Variants in LANCL2 observed in about 807,000 individuals in gnomAD.
LANCL2 encodes the protein lanC-like protein 2.
LANCL2 carries 33 observed loss-of-function variants against 56.9 expected under a neutral mutation model. The ratio of observed to expected loss-of-function variants is 0.58; its 90% CI spans 0.44 to 0.78. The LOEUF is 0.78. Among genes scored for constraint, LANCL2 ranks in the 30% least tolerant of loss-of-function variants. The pLI, the probability that LANCL2 is intolerant of heterozygous loss-of-function variation, is 0.00. For missense variants in LANCL2, 562 were observed against 580.2 expected (o/e 0.97, Z 0.32); for synonymous variants, 233 against 228.2 (o/e 1.02, Z -0.19).
chr7:55,367,331 G>A (rs1452649158), intron 1 of LANCL2, among the ~76,000 whole-genome samples: 2 of 152,118 alleles, frequency 1.3e-5, no homozygotes, highest in African/African-American at 2.4e-5. Flanking sequence ...TTTCATATTT[G>A]GCTAAAACTA....
chr7:55,393,259 C>T (rs1267586922), intron 2 of LANCL2, among the ~76,000 whole-genome samples: 1 of 152,160 alleles, frequency 6.6e-6, no homozygotes, highest in African/African-American at 2.4e-5. Flanking sequence ...AGGCCAGGTG[C>T]GGTGGCTCAA....
At chr7:55,419,835 A>AT (rs1412267394) in intron 6 of LANCL2, among the ~76,000 whole-genome samples, 2 of 151,964 alleles carry the variant, frequency 1.3e-5, no homozygotes, top group Non-Finnish European at 2.9e-5. Flanking sequence ...TATTTCATTG[A>AT]TTTTTCTTCT....
At chr7:55,415,804 G>A (rs368662499) in intron 6 of LANCL2, among the ~76,000 whole-genome samples, 4 of 151,680 alleles carry the variant, frequency 2.6e-5, no homozygotes, top group Admixed American at 2.6e-4. Context: ...TAGTAGAGAC[G>A]GGGTTTCACC....
At position 55,431,361 on chromosome 7, in the gene LANCL2, A is replaced by C; in HGVS notation, c.*41A>C. 1 of 1,476,324 alleles carries C rather than the reference A, an allele frequency of 6.8e-7. No individual in the cohort carries two copies. The highest frequency in any genetic ancestry group is 9.4e-7 in the Non-Finnish European group (1 of 1,064,664). The allele number at this position is 1,476,324 out of a possible 1,614,324, so 91.5% of individuals were successfully genotyped here. On this transcript the variant is annotated 3_prime_UTR_variant, in exon 9 of 9. Transcript: ENST00000254770. ...AACTAAAATACCCATTTGGACCAAA[A>C]GCCACCAGATTGCTTAGTGCCTGAC...
chr7:55,386,251 T>C (rs1040597438), intron 1 of LANCL2, among the ~76,000 whole-genome samples: 1 of 152,196 alleles, frequency 6.6e-6, no homozygotes, highest in Admixed American at 6.5e-5. Context: ...AGGATATTGA[T>C]TGGGGAAGTG....
intron 5 of LANCL2, among the ~76,000 whole-genome samples, chr7:55,407,187 G>A (rs1190573057): frequency 1.3e-5 from 2 of 152,180 alleles, no homozygotes; most frequent in East Asian, 1.9e-4. Context: ...AACTGACTAG[G>A]CTCTTTTCAA....
At position 55,365,849 on chromosome 7, in the gene LANCL2, G is replaced by C. The variant is rs576339691; in HGVS notation, c.-177G>C. The C allele has an allele frequency of 1.9e-4, 89 of 469,842 alleles. No homozygotes were observed. The highest frequency in any genetic ancestry group is 1.3e-3 in the African/African-American group (66 of 49,052). The allele number at this position is 469,842 out of a possible 1,614,324, so 29.1% of individuals were successfully genotyped here. A position where few individuals can be genotyped will look rare whatever the true frequency, so the allele number is the denominator to read the frequency against. ...CCGCCTCTGCGGCCGCCTGATGTGC[G>C]AGCAGCCCGCGACGAGGCAGTGCAC... On this transcript the variant is annotated 5_prime_UTR_variant, in exon 1 of 9. Coordinates refer to ENST00000254770, the MANE Select transcript of LANCL2 (RefSeq NM_018697.4).
chr7:55,398,806 G>T (rs1408246751), intron 3 of LANCL2, among the ~76,000 whole-genome samples, 176 bp downstream of exon 3: 1 of 152,212 alleles, frequency 6.6e-6, no homozygotes, highest in Non-Finnish European at 1.5e-5. Context: ...ATCCAAGCAT[G>T]TGTGTGCCTT....
At chr7:55,386,947 C>T (rs1052903402) in intron 1 of LANCL2, among the ~76,000 whole-genome samples, 40 of 152,054 alleles carry the variant, frequency 2.6e-4, no homozygotes, top group Non-Finnish European at 8.8e-5. Context: ...CAGGGAAATT[C>T]GTAAAGGTAG....
At chr7:55,393,004 A>G (rs1239996315) in intron 2 of LANCL2, among the ~76,000 whole-genome samples, 1 of 152,198 alleles carries the variant, frequency 6.6e-6, no homozygotes, top group Non-Finnish European at 1.5e-5. Context: ...AATGATAACA[A>G]CCAATAATAC....
intron 5 of LANCL2, among the ~76,000 whole-genome samples, 165 bp downstream of exon 5, chr7:55,401,485 G>T (rs1185166255): frequency 7.6e-6 from 1 of 131,270 alleles, no homozygotes; most frequent in African/African-American, 2.9e-5. Flanking sequence ...TAAGAGTCCA[G>T]TGAGTTCCTG....
At chr7:55,380,023 G>T (rs917793514) in intron 1 of LANCL2, among the ~76,000 whole-genome samples, 29 of 152,166 alleles carry the variant, frequency 1.9e-4, no homozygotes, top group Non-Finnish European at 3.7e-4. Flanking sequence ...ATAAGGGAAG[G>T]TATTTTACCA....
intron 1 of LANCL2, among the ~76,000 whole-genome samples, chr7:55,376,112 C>T (rs998650104): frequency 3.9e-5 from 6 of 152,142 alleles, no homozygotes; most frequent in Admixed American, 3.9e-4. Context: ...CTTTGGGGGC[C>T]ATTCTGCCTA....
intron 8 of LANCL2, among the ~76,000 whole-genome samples, chr7:55,429,841 G>T (rs911141498): frequency 1.3e-5 from 2 of 152,258 alleles, no homozygotes; most frequent in African/African-American, 4.8e-5. Flanking sequence ...TCCTTCCCCT[G>T]TGCCTCGCCA....
At chr7:55,428,073 C>T (rs1331046853) in intron 7 of LANCL2, 1 of 415,800 alleles carries the variant, frequency 2.4e-6, no homozygotes, top group Non-Finnish European at 4.4e-6. Context: ...CTGGAATCAT[C>T]AGCTGAAGCG....
intron 1 of LANCL2, among the ~76,000 whole-genome samples, chr7:55,391,251 C>CTCG (rs1226548950): frequency 1.3e-5 from 2 of 151,964 alleles, no homozygotes; most frequent in Non-Finnish European, 2.9e-5. Flanking sequence ...ATCTCCTGAC[C>CTCG]TCGTGATCCG....
At position 55,431,386 on chromosome 7, in the gene LANCL2, C is replaced by A. The variant is rs75177017; in HGVS notation, c.*66C>A. ...AGCCACCAGATTGCTTAGTGCCTGA[C>A]ACAGAAACAACTGGGAATCCTGAAA... On this transcript the variant is annotated 3_prime_UTR_variant, in exon 9 of 9. Transcript: ENST00000254770. The A allele has an allele frequency of 0.016, 17,633 of 1,098,038 alleles. 185 individuals carry two copies. Among genetic ancestry groups the A allele is most frequent in the Non-Finnish European group, 0.019 (14,420 of 741,202 alleles). 68.0% of individuals were successfully genotyped at this position (1,098,038 alleles called of 1,614,324 possible). A position where few individuals can be genotyped will look rare whatever the true frequency, so the allele number is the denominator to read the frequency against.
chr7:55,389,623 T>C (rs986981202), intron 1 of LANCL2, among the ~76,000 whole-genome samples: 3 of 151,580 alleles, frequency 2.0e-5, no homozygotes, highest in African/African-American at 4.9e-5. Context: ...AGGAATTTCT[T>C]CCTATTTACC....
At chr7:55,374,028 C>G (rs1471823502) in intron 1 of LANCL2, among the ~76,000 whole-genome samples, 2 of 152,158 alleles carry the variant, frequency 1.3e-5, no homozygotes, top group Non-Finnish European at 2.9e-5. Context: ...CAAAATGAAA[C>G]CTAACTTTTC....
Sources: gnomAD v4.1 joint callset for allele counts (sites outside exome capture counted in the v4.1 genomes callset) on GRCh38, gnomAD v4.1.1 for gene constraint, MANE v1.5 for transcripts, NCBI Gene and HGNC (gene_info 2026-07-23, HGNC 2026-07-21) for gene names.